ZNF438: variants seen among roughly 807,000 people sequenced by gnomAD.
ZNF438 encodes zinc finger protein 438.
Under a neutral mutation model 38.0 loss-of-function variants are expected in ZNF438, and 25 were observed. That is an observed-to-expected ratio of 0.66 (90% CI 0.48 to 0.92). ZNF438 has a LOEUF of 0.92. Among genes scored for constraint, ZNF438 ranks in the 40% least tolerant of loss-of-function variants. The probability of loss-of-function intolerance (pLI) is 0.00; values close to 1 mark genes in which losing one functional copy is unlikely to be tolerated. For synonymous variants in ZNF438, 372 were observed against 364.1 expected (o/e 1.02, Z -0.25); for missense variants, 1,007 against 999.6 (o/e 1.01, Z -0.10).
intron 3 of ZNF438, among the ~76,000 whole-genome samples, chr10:30,899,508 C>T (rs1658559288): frequency 6.6e-6 from 1 of 152,066 alleles, no homozygotes; most frequent in South Asian, 2.1e-4. Flanking sequence ...CAAGTAACTT[C>T]CAAAATGGGA....
chr10:30,927,906 A>T (rs2045152004), intron 2 of ZNF438, among the ~76,000 whole-genome samples: 2 of 152,202 alleles, frequency 1.3e-5, no homozygotes, highest in South Asian at 4.1e-4. Flanking sequence ...TCTACAAAAT[A>T]TCCATAATAG....
chr10:31,022,023 T>A (rs1020984983), intron 1 of ZNF438, among the ~76,000 whole-genome samples: 5 of 152,130 alleles, frequency 3.3e-5, no homozygotes, highest in African/African-American at 1.2e-4. Context: ...GAAGGAAAAT[T>A]TTTTAAAATT....
chr10:30,941,037 A>G (rs1257790951), intron 2 of ZNF438, among the ~76,000 whole-genome samples: 1 of 152,148 alleles, frequency 6.6e-6, no homozygotes, highest in Non-Finnish European at 1.5e-5. Flanking sequence ...TAGACAAATA[A>G]CACCAAGAGT....
intron 1 of ZNF438, among the ~76,000 whole-genome samples, chr10:30,971,972 CT>C (rs11320310): frequency 0.56 from 82,415 of 146,918 alleles, 23,163 homozygotes; most frequent in African/African-American, 0.65. Context: ...GCCCTTGATT[CT>C]TTTTTTTTTT....
chr10:30,932,281 C>A (rs886568077), intron 2 of ZNF438, among the ~76,000 whole-genome samples: 4 of 151,958 alleles, frequency 2.6e-5, no homozygotes, highest in African/African-American at 7.3e-5. Flanking sequence ...TGCAACAATT[C>A]TACCTACTAT....
At chr10:31,004,226 C>G (rs1424939629) in intron 1 of ZNF438, among the ~76,000 whole-genome samples, 1 of 152,170 alleles carries the variant, frequency 6.6e-6, no homozygotes. Context: ...AAAAAATTTT[C>G]CAGCCCAAAA....
chr10:30,886,870 AC>A (rs1412490377), intron 3 of ZNF438, among the ~76,000 whole-genome samples: 3 of 152,148 alleles, frequency 2.0e-5, no homozygotes, highest in African/African-American at 7.2e-5. Flanking sequence ...AATGCACCCC[AC>A]TTTAAGATGA....
chr10:30,944,369 TTCTTA>T lies in ZNF438; in HGVS notation c.-191-2723_-191-2719del, dbSNP rs767620271. On this transcript the variant is annotated intron_variant, in intron 1 of 5. Transcript: ENST00000413025. ...TCTATAAACAAAACTGACATTTTCG[TTCTTA>T]TCTTAAGTCTACTTCTTAAAGAGTT... Among the ~76,000 whole-genome samples, 241 of 152,340 alleles carry T rather than the reference TTCTTA, an allele frequency of 1.6e-3. 2 individuals are homozygous for T. The highest frequency in any genetic ancestry group is 2.8e-3 in the Non-Finnish European group (190 of 68,018).
At chr10:31,009,017 G>C (rs545419226) in intron 1 of ZNF438, among the ~76,000 whole-genome samples, 1 of 152,278 alleles carries the variant, frequency 6.6e-6, no homozygotes, top group African/African-American at 2.4e-5. Context: ...TGACAACGTT[G>C]AGCATCTTTT....
chr10:30,964,899 G>A (rs557754282), intron 1 of ZNF438, among the ~76,000 whole-genome samples: 2 of 152,236 alleles, frequency 1.3e-5, no homozygotes, highest in South Asian at 2.1e-4. Context: ...GCCTTGGCAA[G>A]GAATTTGTAG....
chr10:30,988,777 T>C (rs918040253), intron 1 of ZNF438, among the ~76,000 whole-genome samples: 2 of 152,196 alleles, frequency 1.3e-5, no homozygotes, highest in African/African-American at 4.8e-5. Context: ...TATATAAGTT[T>C]ACAGTTTTTT....
intron 1 of ZNF438, among the ~76,000 whole-genome samples, chr10:30,968,288 G>C (rs914091804): frequency 6.6e-6 from 1 of 152,040 alleles, no homozygotes; most frequent in African/African-American, 2.4e-5. Flanking sequence ...TAAACATCTT[G>C]TTCCTAGTCA....
At chr10:30,903,887 C>A (rs2042309866) in intron 3 of ZNF438, among the ~76,000 whole-genome samples, 1 of 151,920 alleles carries the variant, frequency 6.6e-6, no homozygotes, top group South Asian at 2.1e-4. Flanking sequence ...TGTTCTAGCC[C>A]CCAAAGAGTT....
chr10:30,930,943 T>C (rs2045624338), intron 2 of ZNF438, among the ~76,000 whole-genome samples: 1 of 151,678 alleles, frequency 6.6e-6, no homozygotes, highest in Non-Finnish European at 1.5e-5. Context: ...CACATTCCCA[T>C]TTTTCTTCTG....
intron 3 of ZNF438, among the ~76,000 whole-genome samples, chr10:30,891,848 C>T (rs926314065): frequency 1.3e-5 from 2 of 152,140 alleles, no homozygotes; most frequent in South Asian, 4.1e-4. Context: ...CTTTCTACAT[C>T]AAGCAGAACA....
chr10:30,984,085 A>G (rs1014340990), intron 1 of ZNF438, among the ~76,000 whole-genome samples: 4 of 152,142 alleles, frequency 2.6e-5, no homozygotes, highest in Admixed American at 2.0e-4. Context: ...CTAATGCTCT[A>G]AATTTTGCTA....
intron 1 of ZNF438, among the ~76,000 whole-genome samples, chr10:30,989,409 C>A (rs1023679241): frequency 1.3e-5 from 2 of 152,162 alleles, no homozygotes; most frequent in African/African-American, 2.4e-5. Flanking sequence ...GCATTAACTT[C>A]TTTTAAAGAA....
intron 4 of ZNF438, among the ~76,000 whole-genome samples, chr10:30,872,462 A>C (rs1329953887): frequency 8.8e-6 from 1 of 113,478 alleles, no homozygotes; most frequent in Non-Finnish European, 1.7e-5. Context: ...AAAAAAAAAA[A>C]AAAAGAGGTC....
intron 1 of ZNF438, among the ~76,000 whole-genome samples, chr10:30,973,720 G>T (rs2051006075): frequency 6.6e-6 from 1 of 152,146 alleles, no homozygotes; most frequent in African/African-American, 2.4e-5. Flanking sequence ...AAAGCCCACT[G>T]TCCAGTCTTT....
Sources: gnomAD v4.1 joint callset for allele counts (sites outside exome capture counted in the v4.1 genomes callset) on GRCh38, gnomAD v4.1.1 for gene constraint, MANE v1.5 for transcripts, NCBI Gene and HGNC (gene_info 2026-07-23, HGNC 2026-07-21) for gene names.